SNCAIP: variants seen among roughly 807,000 people sequenced by gnomAD.
The protein encoded by SNCAIP is synuclein alpha interacting protein, also known as synphilin-1.
Under a neutral mutation model 86.7 loss-of-function variants are expected in SNCAIP, and 43 were observed. That is an observed-to-expected ratio of 0.50 (90% CI 0.39 to 0.64). SNCAIP has a LOEUF of 0.64. Ranked by LOEUF, SNCAIP falls within the 30% of genes least tolerant of loss-of-function variation. SNCAIP has a pLI of 0.00. For missense variants in SNCAIP, 981 were observed against 1,103.1 expected (o/e 0.89, Z 1.57); for synonymous variants, 417 against 427.2 (o/e 0.98, Z 0.29).
chr5:122,337,048 T>C (rs1756619409), intron 1 of SNCAIP: 2 of 152,214 alleles, frequency 1.3e-5, no homozygotes, highest in African/African-American at 4.8e-5. Flanking sequence ...GTAAAAGAAA[T>C]GATGCAAAAT....
intron 1 of SNCAIP, among the ~76,000 whole-genome samples, chr5:122,316,999 A>T (rs573219138): frequency 6.6e-6 from 1 of 152,190 alleles, no homozygotes. Flanking sequence ...ACCCCTGAAG[A>T]CACTCAATAA....
chr5:122,387,038 T>C (rs1377824737), intron 1 of SNCAIP, among the ~76,000 whole-genome samples: 1 of 152,106 alleles, frequency 6.6e-6, no homozygotes, highest in Admixed American at 6.5e-5. Context: ...GATTGTAGCT[T>C]GTAGGGTCAG....
intron 1 of SNCAIP, among the ~76,000 whole-genome samples, chr5:122,374,447 A>G (rs1764879790): frequency 6.6e-6 from 1 of 152,172 alleles, no homozygotes; most frequent in Non-Finnish European, 1.5e-5. Flanking sequence ...CCCACACCAC[A>G]GCCTACAAAT....
At chr5:122,313,387 G>T (rs1479554777) in intron 1 of SNCAIP, among the ~76,000 whole-genome samples, 3 of 152,238 alleles carry the variant, frequency 2.0e-5, no homozygotes, top group Non-Finnish European at 4.4e-5. Context: ...AATGAAATAA[G>T]GGCTGTCTGG....
chr5:122,383,261 T>G (rs1253171956), intron 1 of SNCAIP, among the ~76,000 whole-genome samples: 1 of 152,218 alleles, frequency 6.6e-6, no homozygotes, highest in Non-Finnish European at 1.5e-5. Flanking sequence ...TTTTTTAAGC[T>G]GGTCCAAAAA....
chr5:122,325,291 G>GCCGGTTGGGATTGGCCAATGGCCA (rs1753791877), intron 1 of SNCAIP, among the ~76,000 whole-genome samples: 1 of 152,112 alleles, frequency 6.6e-6, no homozygotes, highest in Admixed American at 6.5e-5. Flanking sequence ...CAATGGGGTG[G>GCCGGTTGGGATTGGCCAATGGCCA]ATCAGCAAAA....
chr5:122,461,945 A>G (rs1237153083), intron 10 of SNCAIP, among the ~76,000 whole-genome samples: 2 of 152,222 alleles, frequency 1.3e-5, no homozygotes, highest in Non-Finnish European at 2.9e-5. Flanking sequence ...TTGGGATTAC[A>G]GGCATGAGCC....
chr5:122,423,188 G>A lies in SNCAIP; in HGVS notation c.451G>A (p.Asp151Asn). The A allele has an allele frequency of 3.1e-6, 5 of 1,614,140 alleles. No individual in the cohort carries two copies. Among genetic ancestry groups the A allele is most frequent in the Non-Finnish European group, 4.2e-6 (5 of 1,180,018 alleles). Reference protein sequence around the residue: ...GELEHYDLDMDEILDVPYIKS... With the variant: ...GELEHYDLDMNEILDVPYIKS... ...ACTGGAGCACTACGACCTCGACATG[G>A]ATGAGATTCTGGATGTGCCTTATAT... The change falls in exon 4 of 11, where the codon GAT (aspartate) becomes AAT (asparagine). Residue 151 changes from aspartate to asparagine, a missense_variant. Coordinates refer to ENST00000261368, the MANE Select transcript of SNCAIP (RefSeq NM_005460.4).
intron 3 of SNCAIP, among the ~76,000 whole-genome samples, chr5:122,404,341 A>G (rs1772508183): frequency 6.6e-6 from 1 of 152,224 alleles, no homozygotes; most frequent in African/African-American, 2.4e-5. Flanking sequence ...AACAGTTAAG[A>G]TTAAAGCAAA....
At chr5:122,437,427 A>G (rs1779746927) in intron 6 of SNCAIP, 1 of 152,196 alleles carries the variant, frequency 6.6e-6, no homozygotes, top group Admixed American at 6.5e-5. Context: ...GTCTGTTGTT[A>G]AAAGACAAGG....
Position 122,451,262 on chromosome 5 carries a change from G to C in SNCAIP, c.2415G>C (p.Lys805Asn). 1 of 1,614,150 alleles carries C rather than the reference G, an allele frequency of 6.2e-7. No homozygotes were observed. The highest frequency in any genetic ancestry group is 8.5e-7 in the Non-Finnish European group (1 of 1,180,024). ...PKSALKSPSS[K>N]RRTSQNLKLR... ...GTGCCCTCAAGTCTCCATCTTCCAA[G>C]CGTAGGACATCTCAGAACTTAAAAC... The change falls in exon 10 of 11, where the codon AAG (lysine) becomes AAC (asparagine). Residue 805 changes from lysine to asparagine, a missense_variant. Transcript: ENST00000261368.
In SNCAIP at chr5:122,316,286, C is replaced by T. The variant is rs539344531; in HGVS notation, c.-47+4002C>T. ...ATGGAAGGTCTACTCTTAGAATGCT[C>T]TTCCCTTAAACTAAGCATACCAGGC... On this transcript the variant is annotated intron_variant, in intron 1 of 10. Coordinates refer to ENST00000261368, the MANE Select transcript of SNCAIP (RefSeq NM_005460.4). Among the ~76,000 whole-genome samples the T allele has an allele frequency of 2.0e-5, 3 of 152,330 alleles. No individual in the cohort carries two copies. In the South Asian group the frequency reaches 6.2e-4, roughly 32 times the overall value.
chr5:122,382,804 G>A (rs1370525439), intron 1 of SNCAIP, among the ~76,000 whole-genome samples: 1 of 152,240 alleles, frequency 6.6e-6, no homozygotes, highest in Non-Finnish European at 1.5e-5. Flanking sequence ...ACCCTGCCGT[G>A]TGAGGTGTCA....
chr5:122,380,131 G>A (rs1478423322), intron 1 of SNCAIP, among the ~76,000 whole-genome samples: 1 of 152,222 alleles, frequency 6.6e-6, no homozygotes, highest in South Asian at 2.1e-4. Context: ...GCGCCTCCTT[G>A]TACCTCTGGT....
In SNCAIP at chr5:122,425,548, T is replaced by C. The variant is rs375929097; in HGVS notation, c.1182+17T>C. ...GCCATTAAGGTGACTGGTTGGGGGCTGGAACCTCCACAGCTAGAAGCTGGA... is the reference window on the plus strand; with the variant it reads ...GCCATTAAGGTGACTGGTTGGGGGCCGGAACCTCCACAGCTAGAAGCTGGA... On this transcript the variant is annotated intron_variant, in intron 5 of 10. Coordinates refer to ENST00000261368, the MANE Select transcript of SNCAIP (RefSeq NM_005460.4). The C allele has an allele frequency of 6.0e-5, 97 of 1,606,020 alleles. No homozygotes were observed. In the African/African-American group the frequency reaches 1.1e-3, roughly 19 times the overall value.
rs2407114 is a variant in SNCAIP at position 122,377,522 on chromosome 5, A to G, written c.-46-13567A>G. On this transcript the variant is annotated intron_variant, in intron 1 of 10. Transcript: ENST00000261368. ...AGAGAGAGAGAGAGAGAGAGAGAGA[A>G]AGAAAGAAAGAGAGATCAGATATTT... is the stretch of plus-strand genomic sequence containing the variant. Among the ~76,000 whole-genome samples, 88 of 146,302 alleles carry G rather than the reference A, an allele frequency of 6.0e-4. No homozygotes were observed. In the East Asian group the frequency reaches 8.2e-3, roughly 14 times the overall value.
intron 6 of SNCAIP, chr5:122,436,820 T>TAAAGAG (rs1779594207): frequency 6.6e-6 from 1 of 152,190 alleles, no homozygotes; most frequent in Non-Finnish European, 1.5e-5. Flanking sequence ...AATTGCCTCT[T>TAAAGAG]TAAACAACTT....
intron 5 of SNCAIP, among the ~76,000 whole-genome samples, chr5:122,430,270 C>CT (rs1042720223): frequency 1.3e-5 from 2 of 152,192 alleles, no homozygotes; most frequent in Non-Finnish European, 2.9e-5. Context: ...AACCATACCT[C>CT]TTTTCTCCTG....
chr5:122,445,495 A>G (rs1041409453), intron 8 of SNCAIP, among the ~76,000 whole-genome samples: 3 of 152,168 alleles, frequency 2.0e-5, no homozygotes, highest in Non-Finnish European at 4.4e-5. Flanking sequence ...AACCAAGGTC[A>G]GCCCTTGAAA....
Sources: gnomAD v4.1 joint callset for allele counts (sites outside exome capture counted in the v4.1 genomes callset) on GRCh38, gnomAD v4.1.1 for gene constraint, MANE v1.5 for transcripts, NCBI Gene and HGNC (gene_info 2026-07-23, HGNC 2026-07-21) for gene names.